MPPED2: variants seen among roughly 807,000 people sequenced by gnomAD.
MPPED2 encodes the protein metallophosphoesterase domain containing 2.
A neutral mutation model predicts 33.0 loss-of-function variants in MPPED2; 5 were observed. The observed-to-expected ratio is 0.15, with a 90% CI of 0.08 to 0.32. MPPED2 has a LOEUF of 0.32. MPPED2 is among the 10% of genes least tolerant of loss of function. The pLI is 1.00. For synonymous variants in MPPED2, 136 were observed against 141.9 expected (o/e 0.96, Z 0.29); for missense variants, 275 against 372.1 (o/e 0.74, Z 2.15).
At chr11:30,411,792 T>G (rs1451649267) in intron 6 of MPPED2, among the ~76,000 whole-genome samples, 1 of 152,172 alleles carries the variant, frequency 6.6e-6, no homozygotes, top group Non-Finnish European at 1.5e-5. Flanking sequence ...CTCCTTCAAC[T>G]AAGAGCAATT....
At chr11:30,505,654 C>T (rs1952790109) in intron 3 of MPPED2, among the ~76,000 whole-genome samples, 1 of 152,242 alleles carries the variant, frequency 6.6e-6, no homozygotes, top group African/African-American at 2.4e-5. Flanking sequence ...CAATCTACTT[C>T]CTCAAGCATT....
chr11:30,557,499 T>A (rs1001253485), intron 2 of MPPED2, among the ~76,000 whole-genome samples: 3 of 152,204 alleles, frequency 2.0e-5, no homozygotes, highest in African/African-American at 7.2e-5. Flanking sequence ...AACAGAGCTA[T>A]AATTCATGTT....
At chr11:30,495,940 C>G (rs1292620089) in intron 3 of MPPED2, among the ~76,000 whole-genome samples, 1 of 152,126 alleles carries the variant, frequency 6.6e-6, no homozygotes, top group Non-Finnish European at 1.5e-5. Flanking sequence ...TAGATAACTA[C>G]TAGATTTTTA....
At chr11:30,387,010 A>C (rs1261184037) in exon 7 of MPPED2, 2 of 371,888 alleles carry the variant, frequency 5.4e-6, no homozygotes, top group Admixed American at 4.6e-5. Flanking sequence ...CCACATAGTT[A>C]GTAGTGATGG....
At chr11:30,451,755 T>C in intron 4 of MPPED2, 1 of 984,668 alleles carries the variant, frequency 1.0e-6, no homozygotes, top group Non-Finnish European at 1.2e-6. Context: ...CTCATTATTA[T>C]GCAATTTGAG....
chr11:30,494,410 G>A (rs11031113), intron 4 of MPPED2, among the ~76,000 whole-genome samples: 42,815 of 151,838 alleles, frequency 0.28, 7,012 homozygotes, highest in Middle Eastern at 0.44. Flanking sequence ...CAGAGGTTCC[G>A]CATCCAGGGA....
intron 6 of MPPED2, among the ~76,000 whole-genome samples, chr11:30,400,032 G>T (rs1947888779): frequency 2.6e-5 from 4 of 152,002 alleles, no homozygotes; most frequent in Admixed American, 2.6e-4. Flanking sequence ...ATTTTTTTAG[G>T]TGCAAGAAAG....
chr11:30,412,604 TAAGAA>T (rs546562547), intron 6 of MPPED2, among the ~76,000 whole-genome samples: 315 of 152,260 alleles, frequency 2.1e-3, no homozygotes, highest in Non-Finnish European at 3.5e-3. Context: ...AAAAATCTCT[TAAGAA>T]AAGAAAAGAG....
At chr11:30,578,195 T>C (rs957821963) in intron 2 of MPPED2, among the ~76,000 whole-genome samples, 5 of 152,156 alleles carry the variant, frequency 3.3e-5, no homozygotes, top group Non-Finnish European at 7.4e-5. Context: ...CGTAAATGTG[T>C]TACGCTCTGT....
chr11:30,533,817 T>C (rs866084012), intron 3 of MPPED2, among the ~76,000 whole-genome samples: 99 of 152,304 alleles, frequency 6.5e-4, no homozygotes, highest in African/African-American at 2.3e-3. Flanking sequence ...CAGCTGTGCC[T>C]TGGCATTTTA....
At chr11:30,580,151 A>G in intron 2 of MPPED2, 95 bp downstream of exon 2, 1 of 1,222,198 alleles carries the variant, frequency 8.2e-7, no homozygotes, top group African/African-American at 1.5e-5. Flanking sequence ...TTTACCTTTT[A>G]GTCTCCCTAG....
At chr11:30,553,033 G>A (rs768624999) in intron 2 of MPPED2, among the ~76,000 whole-genome samples, 11 of 152,146 alleles carry the variant, frequency 7.2e-5, no homozygotes, top group South Asian at 4.2e-4. Context: ...GGCCACCCAC[G>A]GTGAGCACAG....
chr11:30,527,632 G>A (rs1034711623), intron 3 of MPPED2, among the ~76,000 whole-genome samples: 1 of 152,168 alleles, frequency 6.6e-6, no homozygotes, highest in Non-Finnish European at 1.5e-5. Context: ...AGAGGTCTAT[G>A]TAAGTTTGGT....
chr11:30,398,064 T>C (rs899533194), intron 6 of MPPED2, among the ~76,000 whole-genome samples: 3 of 152,152 alleles, frequency 2.0e-5, no homozygotes, highest in Admixed American at 6.6e-5. Flanking sequence ...TGGTATTAAG[T>C]CATTATCCTT....
intron 2 of MPPED2, among the ~76,000 whole-genome samples, chr11:30,552,337 G>C (rs534796383): frequency 6.6e-6 from 1 of 152,258 alleles, no homozygotes; most frequent in Non-Finnish European, 1.5e-5. Flanking sequence ...TTTTTACTGT[G>C]AAAATGCTTT....
chr11:30,489,599 T>C (rs1951884189), intron 4 of MPPED2, among the ~76,000 whole-genome samples: 1 of 152,224 alleles, frequency 6.6e-6, no homozygotes, highest in Non-Finnish European at 1.5e-5. Context: ...CCTGATCTAA[T>C]TTTCCTGCTG....
At chr11:30,411,899 G>C (rs1948120652) in intron 6 of MPPED2, among the ~76,000 whole-genome samples, 1 of 151,812 alleles carries the variant, frequency 6.6e-6, no homozygotes, top group Admixed American at 6.6e-5. Context: ...TTTTAAAATA[G>C]GATTTTCATT....
intron 4 of MPPED2, among the ~76,000 whole-genome samples, chr11:30,465,922 T>C (rs1253385140): frequency 6.6e-6 from 1 of 152,196 alleles, no homozygotes; most frequent in Non-Finnish European, 1.5e-5. Context: ...GATGACTGTA[T>C]AGGGCTTCAG....
At chr11:30,562,965 C>T (rs182224702) in intron 2 of MPPED2, among the ~76,000 whole-genome samples, 2 of 152,204 alleles carry the variant, frequency 1.3e-5, no homozygotes, top group East Asian at 3.9e-4. Flanking sequence ...ATCCTGACTG[C>T]TAAACCAAAT....
Sources: allele counts gnomAD v4.1 joint callset (sites outside exome capture counted in the v4.1 genomes callset), GRCh38; gene constraint gnomAD v4.1.1; transcripts MANE v1.5; gene names NCBI Gene and HGNC (gene_info 2026-07-23, HGNC 2026-07-21).